The following UNC13C variants were observed in gnomAD, a reference collection of about 807,000 sequenced individuals.
The protein encoded by UNC13C is unc-13 homolog C, also known as protein unc-13 homolog C.
A neutral mutation model predicts 245.4 loss-of-function variants in UNC13C; 174 were observed. The ratio of observed to expected loss-of-function variants is 0.71; its 90% CI spans 0.63 to 0.80. The LOEUF (loss-of-function observed/expected upper bound fraction) is 0.80, where lower values mean the gene tolerates loss of function less well. Ranked by LOEUF, UNC13C falls within the 30% of genes least tolerant of loss-of-function variation. The pLI is 0.00. For synonymous variants in UNC13C, 992 were observed against 895.1 expected (o/e 1.11, Z -1.93); for missense variants, 2,829 against 2,602.9 (o/e 1.09, Z -1.89).
chr15:54,185,961 A>G (rs2033966827), intron 4 of UNC13C, among the ~76,000 whole-genome samples: 1 of 151,784 alleles, frequency 6.6e-6, no homozygotes, highest in Admixed American at 6.6e-5. Context: ...AGTGGTTTGT[A>G]GTTCTCCTTG....
intron 2 of UNC13C, among the ~76,000 whole-genome samples, chr15:54,067,181 G>T (rs1566987944): frequency 6.6e-6 from 1 of 152,090 alleles, no homozygotes; most frequent in Non-Finnish European, 1.5e-5. Flanking sequence ...TGAAAGCGAA[G>T]TTGCCTCAAG....
chr15:54,602,149 C>A (rs938702495), intron 30 of UNC13C, among the ~76,000 whole-genome samples: 1 of 152,174 alleles, frequency 6.6e-6, no homozygotes, highest in African/African-American at 2.4e-5. Context: ...CTCTGAGGAC[C>A]AAGAAAGCAT....
the UNC13C span, among the ~76,000 whole-genome samples, chr15:53,882,371 T>A: frequency 6.6e-6 from 1 of 152,284 alleles, no homozygotes; most frequent in Non-Finnish European, 1.5e-5. Flanking sequence ...TATAATAAAA[T>A]TTATATATAC....
chr15:54,027,561 G>A (rs1183520271), intron 2 of UNC13C, among the ~76,000 whole-genome samples: 2 of 152,038 alleles, frequency 1.3e-5, no homozygotes, highest in African/African-American at 4.8e-5. Context: ...AGTACAGATG[G>A]GGTTTTATCA....
chr15:54,493,783 A>G (rs1893829253), intron 19 of UNC13C, among the ~76,000 whole-genome samples: 1 of 152,102 alleles, frequency 6.6e-6, no homozygotes, highest in Non-Finnish European at 1.5e-5. Context: ...GGAGGGAAAA[A>G]TAGCATAGAT....
chr15:54,626,706 T>C (rs1248659131), intron 32 of UNC13C, 122 bp from the exon 33 acceptor site: 12 of 885,114 alleles, frequency 1.4e-5, no homozygotes, highest in Middle Eastern at 4.5e-4. Context: ...TACACTGATA[T>C]CCTATTTGCC....
At chr15:54,595,310 C>T (rs964167481) in intron 30 of UNC13C, among the ~76,000 whole-genome samples, 4 of 152,054 alleles carry the variant, frequency 2.6e-5, no homozygotes, top group African/African-American at 9.7e-5. Context: ...CCCATGGCTT[C>T]CCATGGGTGT....
the UNC13C span, among the ~76,000 whole-genome samples, chr15:53,906,717 A>T: frequency 6.6e-6 from 1 of 152,152 alleles, no homozygotes; most frequent in Non-Finnish European, 1.5e-5. Context: ...GTCCATTCTC[A>T]CACTGCTATA....
intron 11 of UNC13C, among the ~76,000 whole-genome samples, chr15:54,295,779 C>A (rs2037413563): frequency 1.3e-5 from 2 of 151,876 alleles, no homozygotes; most frequent in South Asian, 4.1e-4. Context: ...TATGCTGAAA[C>A]TGTCCTTCAG....
chr15:54,119,429 C>A (rs1043672326), intron 2 of UNC13C, among the ~76,000 whole-genome samples: 34 of 152,082 alleles, frequency 2.2e-4, no homozygotes, highest in African/African-American at 8.0e-4. Context: ...ATACTGTGCC[C>A]ATTTATAATG....
the UNC13C span, among the ~76,000 whole-genome samples, chr15:53,924,226 A>G: frequency 1.4e-5 from 2 of 145,296 alleles, no homozygotes; most frequent in East Asian, 3.9e-4. Context: ...AAACAAACAA[A>G]CAAAAAACAA....
intron 1 of UNC13C, among the ~76,000 whole-genome samples, chr15:53,986,682 GC>G (rs1314385178): frequency 6.6e-6 from 1 of 151,980 alleles, no homozygotes; most frequent in East Asian, 1.9e-4. Context: ...TTTTTCAATT[GC>G]TTCTCAGTTC....
intron 2 of UNC13C, among the ~76,000 whole-genome samples, chr15:54,106,987 A>C (rs1900480545): frequency 6.6e-6 from 1 of 152,254 alleles, no homozygotes; most frequent in Non-Finnish European, 1.5e-5. Context: ...GTGAAGTTAC[A>C]TTCCTGAAAA....
intron 17 of UNC13C, among the ~76,000 whole-genome samples, chr15:54,346,942 A>G (rs527526117): frequency 6.6e-6 from 1 of 152,326 alleles, no homozygotes; most frequent in African/African-American, 2.4e-5. Context: ...AATAAAAAAT[A>G]AAATTTCAAA....
At chr15:54,005,848 A>G (rs1468450466) in intron 1 of UNC13C, among the ~76,000 whole-genome samples, 1 of 152,180 alleles carries the variant, frequency 6.6e-6, no homozygotes, top group African/African-American at 2.4e-5. Context: ...CAGAGGGTAT[A>G]CAATCATTCA....
chr15:54,598,007 A>G (rs1899193843), intron 30 of UNC13C, among the ~76,000 whole-genome samples: 1 of 152,240 alleles, frequency 6.6e-6, no homozygotes, highest in Non-Finnish European at 1.5e-5. Context: ...AGATGTTTAC[A>G]TGATAGAAAG....
chr15:54,234,724 C>T (rs1452138418), intron 4 of UNC13C, among the ~76,000 whole-genome samples: 2 of 152,166 alleles, frequency 1.3e-5, no homozygotes, highest in South Asian at 2.1e-4. Context: ...AGAAGTTCCA[C>T]AGATCTTACA....
intron 11 of UNC13C, among the ~76,000 whole-genome samples, chr15:54,295,225 A>G (rs1269075225): frequency 1.3e-5 from 2 of 152,184 alleles, no homozygotes; most frequent in East Asian, 1.9e-4. Context: ...AACATTCACA[A>G]ATTATTTCTT....
intron 17 of UNC13C, among the ~76,000 whole-genome samples, chr15:54,364,597 G>A (rs2039318154): frequency 6.6e-6 from 1 of 152,166 alleles, no homozygotes; most frequent in South Asian, 2.1e-4. Context: ...TTTTAGTGAA[G>A]TAGAGTAAGA....
Sources: allele counts gnomAD v4.1 joint callset (sites outside exome capture counted in the v4.1 genomes callset), GRCh38; gene constraint gnomAD v4.1.1; transcripts MANE v1.5; gene names NCBI Gene and HGNC (gene_info 2026-07-23, HGNC 2026-07-21).